The following ERAP2 variants were observed in gnomAD, a reference collection of about 807,000 sequenced individuals.
ERAP2 encodes leukocyte-derived arginine aminopeptidase.
A neutral mutation model predicts 111.1 loss-of-function variants in ERAP2; 118 were observed. That is an observed-to-expected ratio of 1.06 (90% CI 0.92 to 1.24). The LOEUF (loss-of-function observed/expected upper bound fraction) is 1.24, where lower values mean the gene tolerates loss of function less well. Among genes scored for constraint, ERAP2 ranks in the 50% most tolerant of loss-of-function variants. The pLI, the probability that ERAP2 is intolerant of heterozygous loss-of-function variation, is 0.00. For missense variants in ERAP2, 1,131 were observed against 1,125.8 expected (o/e 1.00, Z -0.07); for synonymous variants, 410 against 401.2 (o/e 1.02, Z -0.26).
At position 96,909,639 on chromosome 5, in the gene ERAP2, C is replaced by T. The variant is rs2549796; in HGVS notation, c.2229C>T (p.Gly743=). 824,638 of 1,613,606 alleles carry T rather than the reference C, an allele frequency of 0.51. 212,155 individuals carry two copies. Among genetic ancestry groups the T allele is most frequent in the Middle Eastern group, 0.6 (3,646 of 6,060 alleles). Residue 743 remains glycine (G), a synonymous_variant, in exon 15 of 19, where the codon GGC becomes GGT. Coordinates refer to ENST00000437043, the MANE Select transcript of ERAP2 (RefSeq NM_022350.5). ...ACAGGCAAAGCTGGAGTGACAAGGG[C>T]TCAGTCTGGGACAGGATGCTCCGCT... ...VIDRQSWSDK[G]SVWDRMLRSA...
rs144292939 is a variant in ERAP2, at chr5:96,895,313, A to G, written c.1193A>G (p.Tyr398Cys). ...DIWLKEGFAK[Y>C]MELIAVNATY... ...TGGCTTAAGGAGGGTTTTGCAAAAT[A>G]CATGGAACTTATCGCTGTTAATGCT... The change falls in exon 7 of 19, where the codon TAC (tyrosine) becomes TGC (cysteine). Residue 398 changes from tyrosine to cysteine, a missense_variant. By Grantham distance (194) the Tyr-to-Cys change is radical. Transcript: ENST00000437043. 189 of 1,612,946 alleles carry G rather than the reference A, an allele frequency of 1.2e-4. 1 individual carries two copies. The highest frequency in any genetic ancestry group is 5.7e-4 in the Admixed American group (34 of 59,874).
chr5:96,912,056 G>C (rs1786829291), intron 15 of ERAP2, among the ~76,000 whole-genome samples: 1 of 150,736 alleles, frequency 6.6e-6, no homozygotes, highest in Admixed American at 6.6e-5. Context: ...CGGGCGCGGT[G>C]GCGGGCGCCT....
chr5:96,889,098 C>T (rs764097089), intron 4 of ERAP2, 87 bp from the exon 5 acceptor site: 32 of 1,482,968 alleles, frequency 2.2e-5, no homozygotes, highest in Non-Finnish European at 2.9e-5. Flanking sequence ...AAGATACAGT[C>T]TGCCTTTCTG....
intron 6 of ERAP2, 72 bp from the exon 7 acceptor site, chr5:96,895,174 A>C: frequency 1.2e-6 from 1 of 835,032 alleles, no homozygotes. Context: ...GTTAGTAACT[A>C]TTGTATTTTT....
Position 96,909,676 on chromosome 5 carries a change from A to G in ERAP2, c.2266A>G (p.Lys756Glu), listed in dbSNP as rs1428004275. The G allele has an allele frequency of 2.5e-6, 4 of 1,614,056 alleles. No homozygotes were observed. The highest frequency in any genetic ancestry group is 3.4e-6 in the Non-Finnish European group (4 of 1,180,016). ...CAGGATGCTCCGCTCGGCTCTCTTG[A>G]AGCTGGCCTGTGACCTGAACCATGC... ...WDRMLRSALL[K>E]LACDLNHAPC... Residue 756 changes from lysine to glutamate, a missense_variant, in exon 15 of 19, where the codon AAG becomes GAG. By Grantham distance (56) the Lys-to-Glu change is moderately conservative. This residue lies in a region of ERAP2 where 279 missense variants were observed against 250.9 expected (regional missense o/e 1.11). Transcript: ENST00000437043.
chr5:96,901,921 T>C (rs1194157352), intron 11 of ERAP2, among the ~76,000 whole-genome samples: 2 of 152,196 alleles, frequency 1.3e-5, no homozygotes, highest in African/African-American at 4.8e-5. Flanking sequence ...TTTAGTTATT[T>C]GAATCAGCAT....
rs544434121 is a variant in ERAP2 at position 96,906,857 on chromosome 5, C to A, written c.2013-2104C>A. ...GACCAGCCTGGCCAACATGTTGAAA[C>A]CCCGTCTCTACTAAAATTATAAAAA... On this transcript the variant is annotated intron_variant, in intron 13 of 18. Coordinates refer to ENST00000437043, the MANE Select transcript of ERAP2 (RefSeq NM_022350.5). Among the ~76,000 whole-genome samples, 245 of 152,140 alleles carry A rather than the reference C, an allele frequency of 1.6e-3. 1 individual carries two copies. Among genetic ancestry groups the A allele is most frequent in the African/African-American group, 5.6e-3 (232 of 41,496 alleles).
At chr5:96,892,997 G>C (rs1316441794) in intron 6 of ERAP2, among the ~76,000 whole-genome samples, 3 of 145,234 alleles carry the variant, frequency 2.1e-5, no homozygotes, top group Non-Finnish European at 4.7e-5. Context: ...GTTTCATAAA[G>C]CTGTTCTGAG....
intron 7 of ERAP2, among the ~76,000 whole-genome samples, chr5:96,895,707 A>T (rs763990311): frequency 2.0e-5 from 3 of 152,226 alleles, no homozygotes; most frequent in African/African-American, 4.8e-5. Context: ...TCGGCATGTA[A>T]CCTGAAATCA....
intron 15 of ERAP2, among the ~76,000 whole-genome samples, chr5:96,911,959 G>A (rs1786809984): frequency 6.6e-6 from 1 of 151,204 alleles, no homozygotes; most frequent in African/African-American, 2.4e-5. Context: ...GGAGGCTGAG[G>A]CGGGCGGATC....
chr5:96,898,314 T>C (rs1270050744), intron 9 of ERAP2, among the ~76,000 whole-genome samples: 2 of 152,138 alleles, frequency 1.3e-5, no homozygotes, highest in Admixed American at 6.5e-5. Flanking sequence ...AGCACACTTA[T>C]GGTCCAACTG....
intron 9 of ERAP2, among the ~76,000 whole-genome samples, chr5:96,898,572 CAAAAAAA>C (rs770783071): frequency 7.4e-5 from 7 of 94,452 alleles, no homozygotes; most frequent in African/African-American, 2.6e-4. Context: ...TACTAAAATA[CAAAAAAA>C]AAAAAAAAAA....
intron 4 of ERAP2, among the ~76,000 whole-genome samples, chr5:96,888,015 C>T (rs752024931): frequency 9.2e-5 from 14 of 151,824 alleles, no homozygotes; most frequent in Non-Finnish European, 1.9e-4. Flanking sequence ...ATCCCAGCTA[C>T]TCGGGAGGCT....
intron 13 of ERAP2, among the ~76,000 whole-genome samples, chr5:96,905,417 C>T (rs1440070558): frequency 2.6e-5 from 4 of 152,132 alleles, no homozygotes; most frequent in African/African-American, 9.7e-5. Flanking sequence ...AGTCTAATTT[C>T]TAGTTGTTCT....
At chr5:96,897,389 T>C (rs1407106160) in intron 9 of ERAP2, among the ~76,000 whole-genome samples, 3 of 152,182 alleles carry the variant, frequency 2.0e-5, no homozygotes, top group African/African-American at 7.2e-5. Flanking sequence ...AGATTTCACC[T>C]CCTCCTTACA....
intron 6 of ERAP2, among the ~76,000 whole-genome samples, chr5:96,893,519 G>T (rs1357888551): frequency 1.3e-5 from 2 of 152,106 alleles, no homozygotes; most frequent in Non-Finnish European, 2.9e-5. Context: ...GAGTCACCAG[G>T]AGCTCTAAAG....
intron 2 of ERAP2, 29 bp downstream of exon 2, chr5:96,880,289 CTTT>C (rs1561356501): frequency 2.6e-6 from 4 of 1,561,496 alleles, no homozygotes; most frequent in Non-Finnish European, 2.6e-6. Flanking sequence ...AATTTACATT[CTTT>C]TGTGATAATT....
chr5:96,883,831 C>T lies in ERAP2; in HGVS notation c.615C>T (p.Arg205=), dbSNP rs760051554. ...CAGATTTTGAGCCAACCCAGGCACG[C>T]ATGGCTTTCCCTTGCTTTGATGAAC... is the stretch of plus-strand genomic sequence containing the variant. ...AVTDFEPTQA[R]MAFPCFDEPL... Residue 205 remains arginine (R), a synonymous_variant, in exon 3 of 19, where the codon CGC becomes CGT. Coordinates refer to ENST00000437043, the MANE Select transcript of ERAP2 (RefSeq NM_022350.5). 6 of 1,613,594 alleles carry T rather than the reference C, an allele frequency of 3.7e-6. No individual in the cohort carries two copies. Among genetic ancestry groups the T allele is most frequent in the Non-Finnish European group, 5.1e-6 (6 of 1,179,824 alleles).
chr5:96,907,718 C>T (rs1786252066), intron 13 of ERAP2, among the ~76,000 whole-genome samples: 1 of 152,008 alleles, frequency 6.6e-6, no homozygotes, highest in African/African-American at 2.4e-5. Context: ...CCCGTCTCTA[C>T]TAATACTACA....
Sources: gnomAD v4.1 joint callset for allele counts (sites outside exome capture counted in the v4.1 genomes callset) on GRCh38, gnomAD v4.1.1 for gene constraint, gnomAD v4.1.1 regional missense constraint, MANE v1.5 for transcripts, NCBI Gene and HGNC (gene_info 2026-07-23, HGNC 2026-07-21) for gene names.